The following KCTD1 variants were observed in gnomAD, a reference collection of about 807,000 sequenced individuals.
KCTD1 encodes the protein potassium channel tetramerization domain containing 1.
KCTD1 carries 24 observed loss-of-function variants against 66.0 expected under a neutral mutation model. The ratio of observed to expected loss-of-function variants is 0.36; its 90% CI spans 0.26 to 0.51. The LOEUF is 0.51. KCTD1 is among the 20% of genes least tolerant of loss of function. KCTD1 has a pLI of 0.95. For missense variants in KCTD1, 943 were observed against 1,205.2 expected, an observed-to-expected ratio of 0.78 and a Z score of 3.22; for synonymous variants, 511 against 517.2, an observed-to-expected ratio of 0.99 and a Z score of 0.16.
At chr18:26,595,952 G>T (rs575672011) in intron 1 of KCTD1, among the ~76,000 whole-genome samples, 12 of 152,312 alleles carry the variant, frequency 7.9e-5, no homozygotes, top group Middle Eastern at 3.4e-3. Context: ...AGCTGAGGAG[G>T]TGGGAGGATC....
rs1471649276 is a variant in KCTD1 at position 26,462,262 on chromosome 18, T to C, written c.2134-2337A>G. 6.6e-5 allele frequency among the ~76,000 whole-genome samples: 10 copies of C among 152,330 alleles called. No homozygotes were observed. In the East Asian group the frequency reaches 1.5e-3, roughly 24 times the overall value. On this transcript the variant is annotated intron_variant, in intron 3 of 4. Transcript: ENST00000580059. Reference sequence around the variant, plus strand: ...ATTTTTGGCCCTGCTCAGTGACCACTCTGGGATCCTGCTAGGGTTTATTAA... The same window carrying C: ...ATTTTTGGCCCTGCTCAGTGACCACCCTGGGATCCTGCTAGGGTTTATTAA...
At chr18:26,606,400 C>A (rs1987016476) in intron 1 of KCTD1, among the ~76,000 whole-genome samples, 1 of 151,996 alleles carries the variant, frequency 6.6e-6, no homozygotes, top group Non-Finnish European at 1.5e-5. Context: ...AGTTGGGGGG[C>A]CTTAGAATTT....
At chr18:26,599,942 A>C in intron 1 of KCTD1, 1 of 1,595,412 alleles carries the variant, frequency 6.3e-7, no homozygotes, top group African/African-American at 1.3e-5. Flanking sequence ...TCCATCACCA[A>C]GAAGTCTTCT....
intron 1 of KCTD1, among the ~76,000 whole-genome samples, chr18:26,647,489 C>T (rs1987949770): frequency 8.5e-6 from 1 of 117,716 alleles, no homozygotes; most frequent in Non-Finnish European, 1.7e-5. Flanking sequence ...CGCTACACTC[C>T]AGTCTGGGAA....
chr18:26,458,198 C>A (rs1980206308), intron 4 of KCTD1: 1 of 152,398 alleles, frequency 6.6e-6, no homozygotes, highest in Non-Finnish European at 1.5e-5. Context: ...CAGCCCGCCG[C>A]CTGGGAGCAT....
At chr18:26,586,551 TGAA>T (rs1300412340) in intron 1 of KCTD1, among the ~76,000 whole-genome samples, 1 of 152,204 alleles carries the variant, frequency 6.6e-6, no homozygotes, top group East Asian at 1.9e-4. Context: ...CTAGAAATGA[TGAA>T]GCTTAGTGAG....
intron 1 of KCTD1, among the ~76,000 whole-genome samples, chr18:26,554,802 T>C (rs930355662): frequency 2.0e-5 from 3 of 152,208 alleles, no homozygotes; most frequent in Non-Finnish European, 2.9e-5. Context: ...AGAAATGTAG[T>C]TTTCCATAAG....
At chr18:26,609,430 A>G (rs997054814) in intron 1 of KCTD1, among the ~76,000 whole-genome samples, 1 of 152,228 alleles carries the variant, frequency 6.6e-6, no homozygotes, top group African/African-American at 2.4e-5. Flanking sequence ...CACCAAATTC[A>G]GCCCTGGGAG....
chr18:26,484,087 G>C (rs1981789931), intron 2 of KCTD1, among the ~76,000 whole-genome samples: 1 of 152,172 alleles, frequency 6.6e-6, no homozygotes, highest in Non-Finnish European at 1.5e-5. Context: ...TGTTGTTTCA[G>C]AAGTCTGCAT....
intron 1 of KCTD1, among the ~76,000 whole-genome samples, chr18:26,510,377 G>A (rs1983271714): frequency 6.6e-6 from 1 of 152,146 alleles, no homozygotes; most frequent in Non-Finnish European, 1.5e-5. Flanking sequence ...TAAAAATAGG[G>A]TGCTTCAAAG....
chr18:26,517,808 T>C (rs1983731751), intron 1 of KCTD1, among the ~76,000 whole-genome samples: 2 of 152,218 alleles, frequency 1.3e-5, no homozygotes, highest in Non-Finnish European at 2.9e-5. Context: ...AACTTCTTTC[T>C]TTTGCAAATT....
intron 1 of KCTD1, among the ~76,000 whole-genome samples, chr18:26,647,775 G>A (rs948510508): frequency 4.6e-5 from 7 of 152,096 alleles, no homozygotes; most frequent in Admixed American, 1.3e-4. Flanking sequence ...TGGAACTCAC[G>A]GACAAAGGAG....
At chr18:26,458,419 A>T (rs1980219695) in intron 4 of KCTD1, 1 of 152,192 alleles carries the variant, frequency 6.6e-6, no homozygotes, top group African/African-American at 2.4e-5. Flanking sequence ...CATTCCAGTT[A>T]AAAAGAGGGA....
chr18:26,526,836 G>C (rs962308041), intron 1 of KCTD1, among the ~76,000 whole-genome samples: 1 of 150,216 alleles, frequency 6.7e-6, no homozygotes, highest in Non-Finnish European at 1.5e-5. Flanking sequence ...TGAAGAACTG[G>C]TATTTTCAGT....
intron 1 of KCTD1, among the ~76,000 whole-genome samples, chr18:26,657,008 T>C (rs1256537226): frequency 2.1e-5 from 3 of 141,542 alleles, no homozygotes; most frequent in African/African-American, 2.7e-5. Context: ...CCACGGCGGC[T>C]CCTCTCCGAG....
chr18:26,656,626 G>A (rs1340483726), intron 1 of KCTD1, among the ~76,000 whole-genome samples: 2 of 150,642 alleles, frequency 1.3e-5, no homozygotes, highest in Non-Finnish European at 3.0e-5. Context: ...AGGAAAAACC[G>A]CCCCGGGCCC....
intron 3 of KCTD1, among the ~76,000 whole-genome samples, chr18:26,466,596 C>T (rs1406975510): frequency 6.6e-6 from 1 of 152,186 alleles, no homozygotes; most frequent in South Asian, 2.1e-4. Context: ...ACAGCCCCCA[C>T]CACAAAGAAT....
In KCTD1 at chr18:26,476,922, C is replaced by A. The variant is rs1431305231; in HGVS notation, c.1989-263G>T. On this transcript the variant is annotated intron_variant, in intron 2 of 4. Coordinates refer to ENST00000580059, the MANE Select transcript of KCTD1 (RefSeq NM_001142730.3). The surrounding 1 kb of genome is among the most constrained non-coding windows in gnomAD (Gnocchi z 4.9). ...GAAAATGTTCCTGACATGGTGATTACGGCTAAGTGCTGTCACTGTAATGGA... is the reference window on the plus strand; with the variant it reads ...GAAAATGTTCCTGACATGGTGATTAAGGCTAAGTGCTGTCACTGTAATGGA... 2.7e-6 allele frequency: 1 copy of A among 374,616 alleles called. No homozygotes were observed. Among genetic ancestry groups the A allele is most frequent in the East Asian group, 5.6e-5 (1 of 17,756 alleles). 23.2% of individuals were successfully genotyped at this position (374,616 alleles called of 1,614,324 possible).
At chr18:26,546,562 C>A (rs1354932852) in intron 1 of KCTD1, among the ~76,000 whole-genome samples, 166 bp downstream of exon 1, 1 of 152,144 alleles carries the variant, frequency 6.6e-6, no homozygotes, top group Admixed American at 6.5e-5. Context: ...TGTAAAGTTT[C>A]CCAAAAAGCA....
Sources: allele counts gnomAD v4.1 joint callset (sites outside exome capture counted in the v4.1 genomes callset), GRCh38; gene constraint gnomAD v4.1.1; non-coding constraint Gnocchi (gnomAD v3.1); transcripts MANE v1.5; gene names NCBI Gene and HGNC (gene_info 2026-07-23, HGNC 2026-07-21).